Variants in ESRRG observed in about 807,000 individuals in gnomAD.
The protein encoded by ESRRG is estrogen-related receptor gamma.
A neutral mutation model predicts 44.0 loss-of-function variants in ESRRG; 13 were observed. The ratio of observed to expected loss-of-function variants is 0.30; its 90% CI spans 0.19 to 0.47. The LOEUF is 0.47. ESRRG is among the 20% of genes least tolerant of loss of function. The pLI, the probability that ESRRG is intolerant of heterozygous loss-of-function variation, is 1.00. For missense variants in ESRRG, 395 were observed against 580.6 expected, an observed-to-expected ratio of 0.68 and a Z score of 3.29; for synonymous variants, 215 against 214.6, an observed-to-expected ratio of 1.00 and a Z score of -0.02.
chr1:216,828,465 C>T (rs1438750287), intron 2 of ESRRG, among the ~76,000 whole-genome samples: 1 of 152,022 alleles, frequency 6.6e-6, no homozygotes, highest in East Asian at 1.9e-4. Context: ...GCCAACAGCT[C>T]CTGTATCAGA....
intron 1 of ESRRG, among the ~76,000 whole-genome samples, chr1:217,083,704 C>T (rs555799379): frequency 2.6e-5 from 4 of 152,258 alleles, no homozygotes; most frequent in Admixed American, 6.5e-5. Context: ...TATTATATCC[C>T]AATTCTGCAA....
chr1:216,716,917 G>A (rs2085013148), intron 1 of ESRRG, among the ~76,000 whole-genome samples: 1 of 151,748 alleles, frequency 6.6e-6, no homozygotes, highest in South Asian at 2.1e-4. Context: ...ATACTGAAAT[G>A]GACTTTAACT....
chr1:216,906,846 T>C (rs551744388), intron 2 of ESRRG, among the ~76,000 whole-genome samples: 1 of 152,314 alleles, frequency 6.6e-6, no homozygotes, highest in African/African-American at 2.4e-5. Flanking sequence ...TTTTTGTACA[T>C]TTAGAGATAA....
chr1:216,524,451 A>G (rs1402527938), intron 5 of ESRRG, among the ~76,000 whole-genome samples: 1 of 151,762 alleles, frequency 6.6e-6, no homozygotes, highest in Admixed American at 6.6e-5. Context: ...GATAATGATT[A>G]TATTATGTTT....
At chr1:216,995,716 C>A (rs1403585060) in intron 1 of ESRRG, among the ~76,000 whole-genome samples, 1 of 152,172 alleles carries the variant, frequency 6.6e-6, no homozygotes, top group Non-Finnish European at 1.5e-5. Context: ...GAATCTTATT[C>A]ACTGTCAAGT....
chr1:217,085,448 GA>G (rs1243037888), intron 1 of ESRRG, among the ~76,000 whole-genome samples: 1 of 131,008 alleles, frequency 7.6e-6, no homozygotes, highest in Non-Finnish European at 1.6e-5. Context: ...TCTGGAGAAA[GA>G]TTTTTTTTTT....
In ESRRG at chr1:216,803,478, A is replaced by G. The variant is rs1158847035; in HGVS notation, c.-13-125987T>C. On this transcript the variant is annotated intron_variant, in intron 2 of 7. Transcript: ENST00000359162. The stretch of plus-strand genomic sequence containing the variant: ...CCACTTTTCCCACTTACAGATGAGA[A>G]TAAGAACTGCCACAATCACAACGGA... Among the ~76,000 whole-genome samples the G allele has an allele frequency of 3.3e-5, 5 of 152,298 alleles. 1 individual carries two copies. The highest frequency in any genetic ancestry group is 4.8e-5 in the African/African-American group (2 of 41,576).
intron 5 of ESRRG, among the ~76,000 whole-genome samples, chr1:216,526,650 C>A (rs577805572): frequency 6.6e-6 from 1 of 152,254 alleles, no homozygotes; most frequent in East Asian, 1.9e-4. Context: ...TAATACAGAC[C>A]CACAGGTGAC....
chr1:216,737,591 GT>G (rs1375237858), intron 2 of ESRRG, among the ~76,000 whole-genome samples: 1 of 152,078 alleles, frequency 6.6e-6, no homozygotes, highest in African/African-American at 2.4e-5. Context: ...CTTAGCCCAG[GT>G]CCTGGAATCA....
chr1:217,114,089 T>G (rs920887386), intron 1 of ESRRG, among the ~76,000 whole-genome samples: 1 of 152,174 alleles, frequency 6.6e-6, no homozygotes, highest in African/African-American at 2.4e-5. Flanking sequence ...TTTGGGATCT[T>G]TCCTTATACT....
chr1:216,854,353 C>CAA (rs57421256), intron 2 of ESRRG, among the ~76,000 whole-genome samples: 313 of 67,052 alleles, frequency 4.7e-3, no homozygotes, highest in Middle Eastern at 0.017. Context: ...AAGACACCAT[C>CAA]AAAAAAAAAA....
chr1:217,111,845 T>C (rs906379885), intron 1 of ESRRG, among the ~76,000 whole-genome samples: 2 of 152,166 alleles, frequency 1.3e-5, no homozygotes, highest in Non-Finnish European at 2.9e-5. Flanking sequence ...GACTCACTCA[T>C]TGAATATGAG....
At chr1:216,620,196 T>G (rs12239416) in intron 3 of ESRRG, among the ~76,000 whole-genome samples, 4,630 of 152,282 alleles carry the variant, frequency 0.03, 235 homozygotes, top group African/African-American at 0.11. Flanking sequence ...TCTGATCAAA[T>G]TATCTAATAT....
At chr1:216,829,610 A>G (rs1209889854) in intron 2 of ESRRG, among the ~76,000 whole-genome samples, 1 of 149,366 alleles carries the variant, frequency 6.7e-6, no homozygotes, top group Non-Finnish European at 1.5e-5. Flanking sequence ...GCTGGAATGC[A>G]GTGGCGCCAT....
At chr1:216,990,664 T>C (rs777675855) in intron 1 of ESRRG, among the ~76,000 whole-genome samples, 5 of 152,220 alleles carry the variant, frequency 3.3e-5, no homozygotes, top group Non-Finnish European at 5.9e-5. Context: ...ACTTAACTAA[T>C]AGTAAATATA....
chr1:216,945,358 G>A (rs1240131717), intron 1 of ESRRG, among the ~76,000 whole-genome samples: 1 of 152,054 alleles, frequency 6.6e-6, no homozygotes, highest in African/African-American at 2.4e-5. Context: ...GATGTAACAT[G>A]ATGCTTCCTT....
intron 3 of ESRRG, among the ~76,000 whole-genome samples, chr1:216,645,090 C>T (rs940076079): frequency 6.6e-6 from 1 of 152,116 alleles, no homozygotes; most frequent in Middle Eastern, 3.2e-3. Flanking sequence ...TTTTCACACA[C>T]AGGCAAAAAT....
intron 2 of ESRRG, among the ~76,000 whole-genome samples, chr1:216,772,273 T>A (rs2093415812): frequency 6.6e-6 from 1 of 152,162 alleles, no homozygotes; most frequent in Admixed American, 6.6e-5. Context: ...AAAATCTGCA[T>A]GGACTGTGAA....
intron 2 of ESRRG, among the ~76,000 whole-genome samples, chr1:216,729,523 A>C (rs2088272929): frequency 6.6e-6 from 1 of 152,196 alleles, no homozygotes; most frequent in Non-Finnish European, 1.5e-5. Context: ...ATGTTACATT[A>C]TGAATTGCTT....
Sources: gnomAD v4.1 joint callset for allele counts (sites outside exome capture counted in the v4.1 genomes callset) on GRCh38, gnomAD v4.1.1 for gene constraint, MANE v1.5 for transcripts, NCBI Gene and HGNC (gene_info 2026-07-23, HGNC 2026-07-21) for gene names.